The following NBEA variants were observed in gnomAD, a reference collection of about 807,000 sequenced individuals.
NBEA encodes lysosomal-trafficking regulator 2.
A neutral mutation model predicts 343.4 loss-of-function variants in NBEA; 44 were observed. That is an observed-to-expected ratio of 0.13 (90% confidence interval 0.10 to 0.16). The LOEUF (loss-of-function observed/expected upper bound fraction) is 0.16. Among genes scored for constraint, NBEA ranks in the 10% least tolerant of loss-of-function variants. The pLI is 1.00. For synonymous variants in NBEA, 1,175 were observed against 1,238.7 expected (o/e 0.95, Z 1.08); for missense variants, 2,555 against 3,631.3 (o/e 0.70, Z 7.62).
At chr13:34,957,907 T>C (rs1359012897) in intron 1 of NBEA, among the ~76,000 whole-genome samples, 1 of 152,156 alleles carries the variant, frequency 6.6e-6, no homozygotes, top group African/African-American at 2.4e-5. Flanking sequence ...TGCTTCTTTT[T>C]GTTTGTGTAC....
chr13:35,450,628 G>T (rs1470090038), intron 39 of NBEA, among the ~76,000 whole-genome samples: 1 of 152,172 alleles, frequency 6.6e-6, no homozygotes, highest in Non-Finnish European at 1.5e-5. Flanking sequence ...GAGAGCCATT[G>T]TTTATGGTCC....
rs962981632 is a variant in NBEA, at chr13:35,081,965, G to A, written c.1571+11113G>A. 9.9e-5 allele frequency among the ~76,000 whole-genome samples: 15 copies of A among 151,838 alleles called. 2 individuals are homozygous for A. Among genetic ancestry groups the A allele is most frequent in the Admixed American group, 9.8e-4 (15 of 15,234 alleles). The stretch of plus-strand genomic sequence containing the variant: ...AAGTTTTAGGGTACATGTGCACAAA[G>A]TGCAGGTTAGTTACATATGTATACA... On this transcript the variant is annotated intron_variant, in intron 10 of 58. Transcript: ENST00000379939.
chr13:35,609,183 A>T (rs867729616), intron 48 of NBEA, among the ~76,000 whole-genome samples: 1 of 152,190 alleles, frequency 6.6e-6, no homozygotes, highest in Non-Finnish European at 1.5e-5. Context: ...CACATTTATT[A>T]ATTTGCTAAT....
intron 41 of NBEA, chr13:35,475,480 C>A: frequency 6.2e-7 from 1 of 1,612,552 alleles, no homozygotes; most frequent in South Asian, 1.1e-5. Context: ...GCTCTGCTTG[C>A]CGGCCAAGGA....
At chr13:35,616,675 A>G (rs1366506686) in intron 48 of NBEA, among the ~76,000 whole-genome samples, 1 of 152,354 alleles carries the variant, frequency 6.6e-6, no homozygotes, top group African/African-American at 2.4e-5. Context: ...TTACTGTAAG[A>G]GAGAATAAAA....
intron 40 of NBEA, among the ~76,000 whole-genome samples, chr13:35,470,806 G>C (rs1418682114): frequency 6.6e-6 from 1 of 152,238 alleles, no homozygotes; most frequent in African/African-American, 2.4e-5. Flanking sequence ...AAACACAAAG[G>C]AGGGCCTGGG....
At chr13:35,076,735 G>A (rs370665321) in intron 10 of NBEA, among the ~76,000 whole-genome samples, 1 of 151,938 alleles carries the variant, frequency 6.6e-6, no homozygotes, top group Non-Finnish European at 1.5e-5. Context: ...CACTAAATTT[G>A]TTGCCTTAAT....
At chr13:35,666,399 C>T (rs2085355255) in intron 56 of NBEA, among the ~76,000 whole-genome samples, 1 of 146,692 alleles carries the variant, frequency 6.8e-6, no homozygotes, top group South Asian at 2.2e-4. Flanking sequence ...TATCATTTTA[C>T]CCTGTGAAGT....
chr13:34,977,810 T>C (rs977592383), intron 1 of NBEA, among the ~76,000 whole-genome samples: 3 of 139,920 alleles, frequency 2.1e-5, no homozygotes, highest in African/African-American at 7.5e-5. Context: ...GGATACACTT[T>C]TAATTTAAAG....
chr13:35,116,438 A>G (rs1300904138), intron 13 of NBEA, among the ~76,000 whole-genome samples: 4 of 152,168 alleles, frequency 2.6e-5, no homozygotes, highest in East Asian at 3.8e-4. Flanking sequence ...CCAAGTGTCA[A>G]TAGGAGGGGA....
At chr13:35,095,312 AAT>A (rs1345769584) in intron 10 of NBEA, among the ~76,000 whole-genome samples, 2 of 150,776 alleles carry the variant, frequency 1.3e-5, no homozygotes, top group Non-Finnish European at 1.5e-5. Flanking sequence ...ATGGAATATA[AAT>A]ATATATATTT....
At chr13:35,232,807 A>T (rs972510256) in intron 34 of NBEA, among the ~76,000 whole-genome samples, 188 bp downstream of exon 34, 2 of 152,074 alleles carry the variant, frequency 1.3e-5, no homozygotes, top group African/African-American at 4.8e-5. Flanking sequence ...TGCATGGTCA[A>T]TGCCAGTAAG....
chr13:34,947,473 A>T lies in NBEA; in HGVS notation c.294+4359A>T, dbSNP rs542027300. On this transcript the variant is annotated intron_variant, in intron 1 of 58. Transcript: ENST00000379939. ...TTTGTGTCACTGGTATAGCTGTATT[A>T]TAAAATTCAGTCACCTGCATTTTTT... Among the ~76,000 whole-genome samples, 6 of 152,274 alleles carry T rather than the reference A, an allele frequency of 3.9e-5. No homozygotes were observed. The South Asian group carries it at 8.3e-4, about 21-fold the overall frequency.
chr13:35,470,476 AT>A (rs2075594341), intron 40 of NBEA, among the ~76,000 whole-genome samples: 1 of 152,176 alleles, frequency 6.6e-6, no homozygotes, highest in South Asian at 2.1e-4. Context: ...TTGTCTCCAA[AT>A]GCCAGAAACC....
chr13:34,964,558 TACTA>T (rs2059760560), intron 1 of NBEA, among the ~76,000 whole-genome samples: 1 of 152,012 alleles, frequency 6.6e-6, no homozygotes, highest in Admixed American at 6.6e-5. Flanking sequence ...ATTGATTACT[TACTA>T]ACGCACAATT....
chr13:35,207,229 GA>G (rs944388548), intron 31 of NBEA, among the ~76,000 whole-genome samples: 5 of 151,202 alleles, frequency 3.3e-5, no homozygotes, highest in Admixed American at 6.6e-5. Flanking sequence ...CTTATTTGTG[GA>G]AAAAAAAGTG....
At chr13:35,598,777 T>C (rs970684261) in intron 47 of NBEA, among the ~76,000 whole-genome samples, 1 of 152,150 alleles carries the variant, frequency 6.6e-6, no homozygotes, top group Admixed American at 6.6e-5. Flanking sequence ...CACCCTTGAT[T>C]TTAGCTTTAT....
intron 41 of NBEA, among the ~76,000 whole-genome samples, chr13:35,473,308 C>T (rs2075734717): frequency 6.6e-6 from 1 of 152,150 alleles, no homozygotes; most frequent in Non-Finnish European, 1.5e-5. Flanking sequence ...AATTCAACAG[C>T]ATGAAGTGTC....
chr13:35,157,136 C>T lies in NBEA; in HGVS notation c.2710C>T (p.Pro904Ser). 6.2e-7 allele frequency: 1 copy of T among 1,606,946 alleles called. No homozygotes were observed. ...GATGTTTTCTCTTGGCTATATCAAT[C>T]CTAAAAATTCTGAGGAACAGAAGAT... ...DWMFSLGYINPKNSEEQKITE... is the reference protein window; with the variant it reads ...DWMFSLGYINSKNSEEQKITE... The change falls in exon 21 of 59, where the codon CCT becomes TCT. Residue 904 changes from proline to serine, a missense_variant. By Grantham distance (74) the Pro-to-Ser change is moderately conservative. Coordinates refer to ENST00000379939, the MANE Select transcript of NBEA (RefSeq NM_001385012.1).
Sources: allele counts gnomAD v4.1 joint callset (sites outside exome capture counted in the v4.1 genomes callset), GRCh38; gene constraint gnomAD v4.1.1; transcripts MANE v1.5; gene names NCBI Gene and HGNC (gene_info 2026-07-23, HGNC 2026-07-21).